The following SDK2 variants were observed in gnomAD, a reference collection of about 807,000 sequenced individuals.
The protein encoded by SDK2 is sidekick cell adhesion molecule 2.
A neutral mutation model predicts 253.9 loss-of-function variants in SDK2; 105 were observed. The ratio of observed to expected loss-of-function variants is 0.41; its 90% CI spans 0.35 to 0.49. The LOEUF is 0.49. Ranked by LOEUF, SDK2 falls within the 20% of genes least tolerant of loss-of-function variation. The pLI, the probability that SDK2 is intolerant of heterozygous loss-of-function variation, is 0.06. For synonymous variants in SDK2, 1,249 were observed against 1,234.9 expected, an observed-to-expected ratio of 1.01 and a Z score of -0.24; for missense variants, 2,608 against 3,003.0, an observed-to-expected ratio of 0.87 and a Z score of 3.07.
At chr17:73,374,452 C>T (rs1251403151) in intron 36 of SDK2, among the ~76,000 whole-genome samples, 1 of 141,808 alleles carries the variant, frequency 7.1e-6, no homozygotes, top group African/African-American at 2.9e-5. Flanking sequence ...TCTCCCATTC[C>T]ATGTTCGATT....
chr17:73,433,825 C>T lies in SDK2; in HGVS notation c.1219G>A (p.Gly407Ser), dbSNP rs757467978. ...VTSIAPNITR[G>S]PLDSTVIDGM... ...TCGATCACCGTGCTGTCCAGGGGGCCTCTGGTGATGTTAGGGGCGATGCCT... is the reference window on the plus strand; with the variant it reads ...TCGATCACCGTGCTGTCCAGGGGGCTTCTGGTGATGTTAGGGGCGATGCCT... Residue 407 changes from glycine to serine, a missense_variant, in exon 10 of 45, where the codon GGC (glycine) becomes AGC (serine). Physicochemically the swap from Gly to Ser is moderately conservative, Grantham distance 56. Coordinates refer to ENST00000392650, the MANE Select transcript of SDK2 (RefSeq NM_001144952.2). 18 of 1,583,238 alleles carry T rather than the reference C, an allele frequency of 1.1e-5. No individual in the cohort carries two copies. Among genetic ancestry groups the T allele is most frequent in the Non-Finnish European group, 1.5e-5 (18 of 1,165,364 alleles).
chr17:73,472,303 G>T, intron 2 of SDK2, 85 bp from the exon 3 acceptor site: 1 of 878,318 alleles, frequency 1.1e-6, no homozygotes, highest in Non-Finnish European at 1.8e-6. Context: ...GTCAGAGGTC[G>T]CCAGGTCACC....
chr17:73,500,573 C>G lies in SDK2; in HGVS notation c.224+6865G>C, dbSNP rs573521758. On this transcript the variant is annotated intron_variant, in intron 2 of 44. Coordinates refer to ENST00000392650, the MANE Select transcript of SDK2 (RefSeq NM_001144952.2). Reference sequence around the variant, plus strand: ...TCCTTCATCCTTCTCCATCCTCCCTCTGTTCTCCTCCATCCTCTGTCCATC... The same window carrying G: ...TCCTTCATCCTTCTCCATCCTCCCTGTGTTCTCCTCCATCCTCTGTCCATC... Among the ~76,000 whole-genome samples the G allele has an allele frequency of 2.0e-4, 30 of 150,716 alleles. 1 individual carries two copies. The South Asian group carries it at 5.3e-3, about 27-fold the overall frequency.
chr17:73,335,083 G>A lies in SDK2; in HGVS notation c.*3504C>T, dbSNP rs979768498. ...CACGGCAGTGCCAGGTTTGGGGGTA[G>A]GAGTTTTGGGGGCCGGGGGGTGAGG... On this transcript the variant is annotated 3_prime_UTR_variant, in exon 45 of 45. Transcript: ENST00000392650. 1.7e-4 allele frequency: 26 copies of A among 152,434 alleles called. No individual in the cohort carries two copies. Among genetic ancestry groups the A allele is most frequent in the African/African-American group, 5.5e-4 (23 of 41,450 alleles). The allele number at this position is 152,434 out of a possible 1,614,324, so 9.4% of individuals were successfully genotyped here.
chr17:73,449,907 A>G (rs930761454), intron 4 of SDK2, among the ~76,000 whole-genome samples: 1 of 152,144 alleles, frequency 6.6e-6, no homozygotes, highest in Non-Finnish European at 1.5e-5. Context: ...TGAGCAACAG[A>G]GCGAAACTCC....
chr17:73,582,948 C>T (rs1251984507), intron 1 of SDK2, among the ~76,000 whole-genome samples: 1 of 152,206 alleles, frequency 6.6e-6, no homozygotes, highest in African/African-American at 2.4e-5. Flanking sequence ...TCCTTTACAA[C>T]CCTCTAACGT....
At chr17:73,452,895 A>G (rs2063498999) in intron 4 of SDK2, among the ~76,000 whole-genome samples, 1 of 152,202 alleles carries the variant, frequency 6.6e-6, no homozygotes, top group Non-Finnish European at 1.5e-5. Context: ...CCCCTTCCAC[A>G]GCAAAATCTC....
At chr17:73,371,550 T>C (rs750600910) in intron 36 of SDK2, among the ~76,000 whole-genome samples, 11 of 151,798 alleles carry the variant, frequency 7.2e-5, no homozygotes, top group Non-Finnish European at 1.5e-4. Context: ...GAGAACCTAT[T>C]TGGAGCGAGT....
rs939474140 is a variant in SDK2 at position 73,455,049 on chromosome 17, C to T, written c.479+857G>A. 7.9e-5 allele frequency among the ~76,000 whole-genome samples: 12 copies of T among 152,086 alleles called. No individual in the cohort carries two copies. Among genetic ancestry groups the T allele is most frequent in the African/African-American group, 2.4e-4 (10 of 41,400 alleles). On this transcript the variant is annotated intron_variant, in intron 4 of 44. Coordinates refer to ENST00000392650, the MANE Select transcript of SDK2 (RefSeq NM_001144952.2). This position sits in a 1 kb window ranked among gnomAD's most constrained non-coding sequence, Gnocchi z 5.0. The stretch of plus-strand genomic sequence containing the variant: ...ATTGTTATTGTTACTATGCTTCCTT[C>T]CCCCAACTAGACTTAATGCTCCCCA...
At chr17:73,427,998 C>T (rs967956340) in intron 12 of SDK2, among the ~76,000 whole-genome samples, 3 of 152,156 alleles carry the variant, frequency 2.0e-5, no homozygotes, top group African/African-American at 7.2e-5. Context: ...TCTTAAAACT[C>T]AGCAATAAGA....
chr17:73,433,077 G>C (rs971517898), intron 10 of SDK2, among the ~76,000 whole-genome samples: 2 of 152,088 alleles, frequency 1.3e-5, no homozygotes, highest in Admixed American at 6.5e-5. Context: ...ATCGTTTCCT[G>C]GGCTTTCGGA....
At chr17:73,633,142 G>A (rs1395810747) in intron 1 of SDK2, among the ~76,000 whole-genome samples, 2 of 152,120 alleles carry the variant, frequency 1.3e-5, no homozygotes, top group Non-Finnish European at 2.9e-5. Context: ...ATGATTAGCT[G>A]GGTATGGTAG....
chr17:73,456,677 G>T (rs570975987), intron 3 of SDK2, among the ~76,000 whole-genome samples: 1 of 152,328 alleles, frequency 6.6e-6, no homozygotes, highest in African/African-American at 2.4e-5. Context: ...ATACCATATT[G>T]CTCTTTTAAA....
chr17:73,441,425 G>A (rs1362238112), intron 5 of SDK2, among the ~76,000 whole-genome samples: 1 of 152,182 alleles, frequency 6.6e-6, no homozygotes, highest in Non-Finnish European at 1.5e-5. Flanking sequence ...GATCATTACA[G>A]GTTTGTAATT....
intron 1 of SDK2, among the ~76,000 whole-genome samples, chr17:73,640,443 G>A (rs4789236): frequency 6.6e-6 from 1 of 151,744 alleles, no homozygotes; most frequent in Non-Finnish European, 1.5e-5. Context: ...ACTCCCCCGC[G>A]GAAGCCAAGG....
chr17:73,473,801 T>C (rs767213961), intron 2 of SDK2, among the ~76,000 whole-genome samples: 7 of 152,296 alleles, frequency 4.6e-5, no homozygotes, highest in Admixed American at 1.3e-4. Context: ...GTGAACTTCT[T>C]CTTTTGCCAA....
rs2063978623 is a variant in SDK2 at position 73,511,325 on chromosome 17, T to A, written c.65-3728A>T. On this transcript the variant is annotated intron_variant, in intron 1 of 44. Transcript: ENST00000392650. The surrounding 1 kb of genome is among the most constrained non-coding windows in gnomAD (Gnocchi z 4.9). ...CAGTGTGTGTATCTGCATGCACACA[T>A]GTGCATATGTGTGAGCACACACACA... Among the ~76,000 whole-genome samples the A allele has an allele frequency of 6.6e-6, 1 of 152,334 alleles. No individual in the cohort carries two copies. Among genetic ancestry groups the A allele is most frequent in the South Asian group, 2.1e-4 (1 of 4,830 alleles).
rs148048500 is a variant in SDK2 at position 73,462,213 on chromosome 17, C to G, written c.332-6160G>C. Among the ~76,000 whole-genome samples, 25 of 150,822 alleles carry G rather than the reference C, an allele frequency of 1.7e-4. No homozygotes were observed. The East Asian group carries it at 4.8e-3, about 29-fold the overall frequency. On this transcript the variant is annotated intron_variant, in intron 3 of 44. Coordinates refer to ENST00000392650, the MANE Select transcript of SDK2 (RefSeq NM_001144952.2). ...GATGGTTGTATGTATGTACAAGTGT[C>G]TATGGTGGGATAGATGGTTGTATGT...
At chr17:73,533,982 G>C (rs2064192964) in intron 1 of SDK2, among the ~76,000 whole-genome samples, 1 of 152,154 alleles carries the variant, frequency 6.6e-6, no homozygotes, top group Non-Finnish European at 1.5e-5. Context: ...GAAAAGCACA[G>C]TGATGCGGCA....
Sources: allele counts gnomAD v4.1 joint callset (sites outside exome capture counted in the v4.1 genomes callset), GRCh38; gene constraint gnomAD v4.1.1; non-coding constraint Gnocchi (gnomAD v3.1); transcripts MANE v1.5; gene names NCBI Gene and HGNC (gene_info 2026-07-23, HGNC 2026-07-21).